CSMD1: variants seen among roughly 807,000 people sequenced by gnomAD.
CSMD1 encodes the protein CUB and Sushi multiple domains 1, also known as CUB and sushi domain-containing protein 1.
Under a neutral mutation model 417.5 loss-of-function variants are expected in CSMD1, and 213 were observed. The ratio of observed to expected loss-of-function variants is 0.51; its 90% CI spans 0.46 to 0.57. The LOEUF (loss-of-function observed/expected upper bound fraction) is 0.57. Among genes scored for constraint, CSMD1 ranks in the 20% least tolerant of loss-of-function variants. The probability of loss-of-function intolerance (pLI) is 0.00; values close to 1 mark genes in which losing one functional copy is unlikely to be tolerated. For missense variants in CSMD1, 6,923 were observed against 4,529.7 expected (o/e 1.53, Z -15.17); for synonymous variants, 2,862 against 1,736.8 (o/e 1.65, Z -16.11).
At chr8:3,494,093 T>C (rs1360956724) in intron 10 of CSMD1, among the ~76,000 whole-genome samples, 2 of 152,228 alleles carry the variant, frequency 1.3e-5, no homozygotes, top group Admixed American at 6.5e-5. Flanking sequence ...ACATATATTT[T>C]TACCATATCC....
chr8:3,966,361 T>A (rs919964701), intron 5 of CSMD1, among the ~76,000 whole-genome samples: 1 of 152,198 alleles, frequency 6.6e-6, no homozygotes, highest in Non-Finnish European at 1.5e-5. Context: ...CCCAAATTTA[T>A]AAACATCCAA....
chr8:3,716,465 G>C (rs1358742341), intron 6 of CSMD1, among the ~76,000 whole-genome samples: 2 of 152,174 alleles, frequency 1.3e-5, no homozygotes, highest in Admixed American at 1.3e-4. Flanking sequence ...AGACCATATA[G>C]AGTAACTTTG....
chr8:3,451,904 G>A (rs1437892604), intron 12 of CSMD1, among the ~76,000 whole-genome samples: 1 of 152,140 alleles, frequency 6.6e-6, no homozygotes, highest in African/African-American at 2.4e-5. Context: ...AATTACCTTG[G>A]GCAGTATGGC....
chr8:3,608,228 G>T (rs376776334), intron 8 of CSMD1, among the ~76,000 whole-genome samples: 3 of 151,912 alleles, frequency 2.0e-5, no homozygotes, highest in Non-Finnish European at 2.9e-5. Flanking sequence ...AAGGTGGGCA[G>T]GTGCCACCTG....
At chr8:4,767,434 C>A (rs184348527) in intron 1 of CSMD1, among the ~76,000 whole-genome samples, 2 of 152,236 alleles carry the variant, frequency 1.3e-5, no homozygotes, top group African/African-American at 4.8e-5. Context: ...AAACATCATC[C>A]TGACCAATCC....
chr8:3,242,266 G>C (rs1462500970), intron 26 of CSMD1, among the ~76,000 whole-genome samples: 2 of 151,716 alleles, frequency 1.3e-5, no homozygotes, highest in East Asian at 3.9e-4. Context: ...GGCTGAGGAA[G>C]ATTTGGGACC....
intron 5 of CSMD1, among the ~76,000 whole-genome samples, chr8:3,829,237 C>A (rs1044646138): frequency 1.3e-5 from 2 of 152,100 alleles, no homozygotes; most frequent in African/African-American, 2.4e-5. Context: ...GCCTTTGCAT[C>A]CTCATAGCTT....
chr8:4,249,735 T>TAG (rs1367673503), intron 3 of CSMD1, among the ~76,000 whole-genome samples: 1 of 152,126 alleles, frequency 6.6e-6, no homozygotes, highest in African/African-American at 2.4e-5. Context: ...AGTAGCTCAG[T>TAG]ACTGGAGAAC....
chr8:4,949,275 C>G (rs1808576022), intron 1 of CSMD1, among the ~76,000 whole-genome samples: 1 of 151,080 alleles, frequency 6.6e-6, no homozygotes, highest in Admixed American at 6.6e-5. Flanking sequence ...CTGGGATTGT[C>G]CTTTTCCTAT....
intron 2 of CSMD1, among the ~76,000 whole-genome samples, chr8:4,580,245 G>T (rs1055470565): frequency 2.0e-5 from 3 of 152,050 alleles, no homozygotes; most frequent in African/African-American, 7.2e-5. Flanking sequence ...GCCTTAACAC[G>T]CCCTCTGCTC....
intron 23 of CSMD1, among the ~76,000 whole-genome samples, chr8:3,324,061 T>C (rs71502954): frequency 0.17 from 20,801 of 125,382 alleles, 2,195 homozygotes; most frequent in East Asian, 0.32. Context: ...ATTGTTAAAA[T>C]AGACACACAC....
intron 26 of CSMD1, among the ~76,000 whole-genome samples, chr8:3,274,810 G>A (rs1238099615): frequency 6.6e-6 from 1 of 152,014 alleles, no homozygotes; most frequent in African/African-American, 2.4e-5. Context: ...TTCATTTTGA[G>A]CCTATGTGTG....
chr8:3,000,303 T>TC (rs1442307926), intron 52 of CSMD1, among the ~76,000 whole-genome samples, 172 bp from the exon 53 acceptor site: 1 of 150,610 alleles, frequency 6.6e-6, no homozygotes, highest in East Asian at 1.9e-4. Flanking sequence ...TTTTTTATTA[T>TC]TTTTTTTCAG....
At chr8:4,616,266 T>C (rs1416438255) in intron 2 of CSMD1, among the ~76,000 whole-genome samples, 3 of 152,178 alleles carry the variant, frequency 2.0e-5, no homozygotes, top group South Asian at 2.1e-4. Flanking sequence ...GGTTTACCAA[T>C]TGTACAAGTC....
chr8:4,462,284 A>C (rs1799882192), intron 2 of CSMD1, among the ~76,000 whole-genome samples: 1 of 152,198 alleles, frequency 6.6e-6, no homozygotes, highest in Non-Finnish European at 1.5e-5. Context: ...ATTAGGAATA[A>C]ATTTAACAAA....
rs915816326 is a variant in CSMD1, at chr8:3,387,606, G to A, written c.2670C>T (p.Gly890=). Residue 890 remains glycine, a synonymous_variant, in exon 18 of 70, where the codon GGC becomes GGT. Coordinates refer to ENST00000635120, the MANE Select transcript of CSMD1 (RefSeq NM_033225.6). ...VNGHRHGGDF[G]IRSTVTFSCD... is the part of the protein sequence containing the mutation. ...AGCTGAAAGTCACTGTGGACCTGATGCCAAAGTCTCCACCGTGGCGATGGC... is the reference window on the plus strand; with the variant it reads ...AGCTGAAAGTCACTGTGGACCTGATACCAAAGTCTCCACCGTGGCGATGGC... 3.7e-6 allele frequency: 6 copies of A among 1,601,856 alleles called. No homozygotes were observed. The highest frequency in any genetic ancestry group is 1.1e-5 in the South Asian group (1 of 88,606).
At chr8:3,352,566 G>A (rs542072908) in intron 21 of CSMD1, among the ~76,000 whole-genome samples, 8 of 152,248 alleles carry the variant, frequency 5.3e-5, no homozygotes, top group East Asian at 1.9e-4. Context: ...TTGGCTGGGC[G>A]CGGTGGCTCA....
Position 4,701,734 on chromosome 8 carries a change from A to G in CSMD1, c.86-64176T>C, listed in dbSNP as rs187683253. Among the ~76,000 whole-genome samples, 355 of 151,164 alleles carry G rather than the reference A, an allele frequency of 2.3e-3. 3 individuals carry two copies. The highest frequency in any genetic ancestry group is 8.4e-3 in the African/African-American group (344 of 40,964). On this transcript the variant is annotated intron_variant, in intron 1 of 69. Coordinates refer to ENST00000635120, the MANE Select transcript of CSMD1 (RefSeq NM_033225.6). Reference sequence around the variant, plus strand: ...CAAATCATAACATTCCTCTTTTTCTAAACACTTTTAAGTGTTACTTTCTTC... The same window carrying G: ...CAAATCATAACATTCCTCTTTTTCTGAACACTTTTAAGTGTTACTTTCTTC...
At chr8:3,008,730 C>T (rs763965163) in intron 52 of CSMD1, among the ~76,000 whole-genome samples, 7 of 152,056 alleles carry the variant, frequency 4.6e-5, no homozygotes, top group African/African-American at 1.2e-4. Flanking sequence ...TTTAGCTATC[C>T]GTACTGTTTC....
Sources: gnomAD v4.1 joint callset for allele counts (sites outside exome capture counted in the v4.1 genomes callset) on GRCh38, gnomAD v4.1.1 for gene constraint, MANE v1.5 for transcripts, NCBI Gene and HGNC (gene_info 2026-07-23, HGNC 2026-07-21) for gene names.